Variants in ZKSCAN1 observed in about 807,000 individuals in gnomAD.
ZKSCAN1 encodes the protein zinc finger with KRAB and SCAN domains 1, also known as zinc finger protein with KRAB and SCAN domains 1.
In ZKSCAN1, 14 loss-of-function variants were observed where a neutral mutation model predicts 51.6. The observed-to-expected ratio is 0.27, with a 90% CI of 0.18 to 0.42. The LOEUF (loss-of-function observed/expected upper bound fraction) is 0.42, where lower values mean the gene tolerates loss of function less well. ZKSCAN1 is among the 10% of genes least tolerant of loss of function. The pLI, the probability that ZKSCAN1 is intolerant of heterozygous loss-of-function variation, is 1.00. For missense variants in ZKSCAN1, 531 were observed against 710.0 expected, an observed-to-expected ratio of 0.75 and a Z score of 2.86; for synonymous variants, 263 against 261.5, an observed-to-expected ratio of 1.01 and a Z score of -0.06.
intron 1 of ZKSCAN1, among the ~76,000 whole-genome samples, chr7:100,017,283 T>C (rs1373882854): frequency 2.0e-5 from 3 of 151,988 alleles, no homozygotes; most frequent in Non-Finnish European, 2.9e-5. Flanking sequence ...AGTGCAGTGG[T>C]GCGATCTCGG....
At chr7:100,025,025 C>T (rs963792904) in intron 3 of ZKSCAN1, 3 of 149,712 alleles carry the variant, frequency 2.0e-5, no homozygotes. Flanking sequence ...GGGGAAAATA[C>T]AACTTACAGA....
chr7:100,016,948 A>G (rs1449403583), intron 1 of ZKSCAN1: 1 of 152,224 alleles, frequency 6.6e-6, no homozygotes, highest in Non-Finnish European at 1.5e-5. Flanking sequence ...TCTTCTCTGA[A>G]TTAACATATA....
rs1173049877 is a variant in ZKSCAN1 at position 100,024,192 on chromosome 7, G to C, written c.465G>C (p.Arg155Ser). The change falls in exon 3 of 6, where the codon AGG becomes AGC. Residue 155 changes from arginine to serine, a missense_variant. Transcript: ENST00000324306. ...GQVHGPEMLA[R>S]GMVPLDPVQE... The stretch of plus-strand genomic sequence containing the variant: ...TTCATGGACCTGAGATGCTCGCAAG[G>C]GGGATGGTGCCTCTGGATCCAGTTC... The C allele has an allele frequency of 6.2e-7, 1 of 1,613,954 alleles. No homozygotes were observed. Among genetic ancestry groups the C allele is most frequent in the East Asian group, 2.2e-5 (1 of 44,884 alleles).
At chr7:100,030,185 G>A (rs1791046544) in intron 4 of ZKSCAN1, 64 bp from the exon 5 acceptor site, 3 of 1,585,218 alleles carry the variant, frequency 1.9e-6, no homozygotes, top group Non-Finnish European at 2.6e-6. Context: ...CTGACTCCAG[G>A]TTTGAGCAAT....
rs764970298 is a variant in ZKSCAN1, at chr7:100,029,906, C to T, written c.626C>T (p.Pro209Leu). Residue 209 changes from proline (P) to leucine (L), a missense_variant, in exon 4 of 6, where the codon CCC (proline) becomes CTC (leucine). This residue lies in a region of ZKSCAN1 where 403 missense variants were observed against 490.5 expected (regional missense o/e 0.82). Coordinates refer to ENST00000324306, the MANE Select transcript of ZKSCAN1 (RefSeq NM_003439.4). ...CCTGCACCCCCTCATGAGGGTAGTC[C>T]CAGAGACCAGGCGATGGCATCTGCA... Reference protein sequence around the residue: ...HIPAPPHEGSPRDQAMASALF... With the variant: ...HIPAPPHEGSLRDQAMASALF... 15 of 1,614,132 alleles carry T rather than the reference C, an allele frequency of 9.3e-6. No individual in the cohort carries two copies. The Admixed American group carries it at 2.2e-4, about 23-fold the overall frequency.
At chr7:100,016,612 A>G (rs1486034972) in intron 1 of ZKSCAN1, among the ~76,000 whole-genome samples, 1 of 152,166 alleles carries the variant, frequency 6.6e-6, no homozygotes, top group African/African-American at 2.4e-5. Context: ...TGGTCAATGT[A>G]ATTGAAGAAT....
In ZKSCAN1 at chr7:100,040,527, A is replaced by C. The variant is rs757680914; in HGVS notation, c.*6330A>C. The C allele has an allele frequency of 3.8e-5, 37 of 985,386 alleles. No individual in the cohort carries two copies. Among genetic ancestry groups the C allele is most frequent in the Non-Finnish European group, 4.3e-5 (36 of 829,938 alleles). 61.0% of individuals were successfully genotyped at this position (985,386 alleles called of 1,614,324 possible). A position where few individuals can be genotyped will look rare whatever the true frequency, so the allele number is the denominator to read the frequency against. On this transcript the variant is annotated 3_prime_UTR_variant, in exon 6 of 6. Coordinates refer to ENST00000324306, the MANE Select transcript of ZKSCAN1 (RefSeq NM_003439.4). ...TGAAAGGTGATATTTAAAAACTTGG[A>C]TTTCATTCCAGTGTCAGGTTTGGGT...
At chr7:100,042,797 GT>G (rs1200823549), downstream of ZKSCAN1, among the ~76,000 whole-genome samples, 2,900 of 125,164 alleles carry the variant, frequency 0.023, 89 homozygotes, top group African/African-American at 0.073. Context: ...TAATTTTTGG[GT>G]TTTTTTTTTT....
intron 1 of ZKSCAN1, among the ~76,000 whole-genome samples, chr7:100,018,813 T>G (rs576409739): frequency 5.3e-4 from 80 of 152,306 alleles, no homozygotes; most frequent in Admixed American, 9.1e-4. Context: ...CTGTGATGGC[T>G]TTTCCCTGCA....
Position 100,041,225 on chromosome 7 carries a change from G to A in ZKSCAN1, c.*7028G>A, listed in dbSNP as rs1469827984. Reference sequence around the variant, plus strand: ...CAAAAGAAGAAACGTGCTTGTCTCTGTATACCCGCAGAATGAAGTTACTGT... The same window carrying A: ...CAAAAGAAGAAACGTGCTTGTCTCTATATACCCGCAGAATGAAGTTACTGT... On this transcript the variant is annotated 3_prime_UTR_variant, in exon 6 of 6. Transcript: ENST00000324306. 1.2e-6 allele frequency: 1 copy of A among 810,382 alleles called. No homozygotes were observed. Among genetic ancestry groups the A allele is most frequent in the East Asian group, 1.3e-4 (1 of 7,986 alleles). The allele number at this position is 810,382 out of a possible 1,614,324, so 50.2% of individuals were successfully genotyped here.
At chr7:100,026,230 C>CAAAAAAAAAAAAAAAAAAAAAAAAA (rs58408632) in intron 3 of ZKSCAN1, among the ~76,000 whole-genome samples, 1 of 47,308 alleles carries the variant, frequency 2.1e-5, no homozygotes, top group Non-Finnish European at 3.7e-5. Flanking sequence ...AAACTCATCT[C>CAAAAAAAAAAAAAAAAAAAAAAAAA]AAAAAAAAAA....
Position 100,018,258 on chromosome 7 carries a change from CGTT to C in ZKSCAN1, c.-89+2535_-89+2537del, listed in dbSNP as rs768771720. Reference sequence around the variant, plus strand: ...TGATCGGGCTTTTAAAAAATAGTAACGTTGTCAATTCAGTCAAGTGTATTTTTG... The same window carrying C: ...TGATCGGGCTTTTAAAAAATAGTAACGTCAATTCAGTCAAGTGTATTTTTG... On this transcript the variant is annotated intron_variant, in intron 1 of 5. Coordinates refer to ENST00000324306, the MANE Select transcript of ZKSCAN1 (RefSeq NM_003439.4). 4.6e-5 allele frequency among the ~76,000 whole-genome samples: 7 copies of C among 152,174 alleles called. No homozygotes were observed. The South Asian group carries it at 6.2e-4, about 14-fold the overall frequency.
At position 100,029,863 on chromosome 7, in the gene ZKSCAN1, C is replaced by G; in HGVS notation, c.583C>G (p.Leu195Val). ...ACAGACCCTTTCTCCTCCCCCAGCT[C>G]TTCCTGCTGCCCACATTCCTGCACC... ...RKPRLLQSRA[L>V]PAAHIPAPPH... Residue 195 changes from leucine (L) to valine (V), a missense_variant and splice_region_variant, in exon 4 of 6, where the codon CTT becomes GTT. Physicochemically the swap from Leu to Val is conservative, Grantham distance 32 (BLOSUM62 1). Transcript: ENST00000324306. 1 of 1,614,106 alleles carries G rather than the reference C, an allele frequency of 6.2e-7. No homozygotes were observed. The highest frequency in any genetic ancestry group is 2.2e-5 in the East Asian group (1 of 44,888).
chr7:100,034,159 C>G lies in ZKSCAN1; in HGVS notation c.1654C>G (p.Leu552Val). 6.5e-7 allele frequency: 1 copy of G among 1,534,696 alleles called. No homozygotes were observed. Among genetic ancestry groups the G allele is most frequent in the Admixed American group, 2.1e-5 (1 of 47,032 alleles). The change falls in exon 6 of 6, where the codon CTT (leucine) becomes GTT (valine). Residue 552 changes from leucine (L) to valine (V), a missense_variant. Around this residue, in one of 2 missense-constraint regions of ZKSCAN1, gnomAD observed 128 missense variants for 219.5 expected, o/e 0.58. Transcript: ENST00000324306. ...ERASEYSPAS[L>V]DAFGAFLKSC... Reference sequence around the variant, plus strand: ...AGCCTCTGAGTACAGCCCAGCCTCCCTTGATGCATTTGGCGCGTTCCTGAA... The same window carrying G: ...AGCCTCTGAGTACAGCCCAGCCTCCGTTGATGCATTTGGCGCGTTCCTGAA...
rs1791343270 is a variant in ZKSCAN1, at chr7:100,035,961, C to CT, written c.*1765dup. 2 of 985,332 alleles carry CT rather than the reference C, an allele frequency of 2.0e-6. No homozygotes were observed. The highest frequency in any genetic ancestry group is 2.4e-6 in the Non-Finnish European group (2 of 829,950). 61.0% of individuals were successfully genotyped at this position (985,332 alleles called of 1,614,324 possible). The stretch of plus-strand genomic sequence containing the variant: ...CATAGACTGAGAACAAACCTCAAGA[C>CT]TATCAGTGTGACCTCCCCATAACAA... On this transcript the variant is annotated 3_prime_UTR_variant, in exon 6 of 6. Coordinates refer to ENST00000324306, the MANE Select transcript of ZKSCAN1 (RefSeq NM_003439.4).
intron 1 of ZKSCAN1, among the ~76,000 whole-genome samples, chr7:100,019,515 T>G (rs1454688435): frequency 6.6e-6 from 1 of 152,106 alleles, no homozygotes; most frequent in East Asian, 1.9e-4. Context: ...CCTGATTGAT[T>G]CTTCATTGTC....
intron 1 of ZKSCAN1, among the ~76,000 whole-genome samples, chr7:100,022,153 C>G (rs1013742505): frequency 1.3e-5 from 2 of 152,196 alleles, no homozygotes; most frequent in Non-Finnish European, 2.9e-5. Context: ...CTCCTGGGTT[C>G]AAGTGATTCT....
At position 100,038,091 on chromosome 7, in the gene ZKSCAN1, G is replaced by C; in HGVS notation, c.*3894G>C. On this transcript the variant is annotated 3_prime_UTR_variant, in exon 6 of 6. Transcript: ENST00000324306. ...ATCTACAGATGAAAAAAAATGTGGG[G>C]AAATGCTTTAAAAAAATAGCAAAAT... 2 of 985,228 alleles carry C rather than the reference G, an allele frequency of 2.0e-6. No individual in the cohort carries two copies. Among genetic ancestry groups the C allele is most frequent in the Non-Finnish European group, 2.4e-6 (2 of 829,884 alleles). 61.0% of individuals were successfully genotyped at this position (985,228 alleles called of 1,614,324 possible).
downstream of ZKSCAN1, chr7:100,041,755 G>A (rs1584359709): frequency 4.1e-6 from 4 of 984,696 alleles, no homozygotes; most frequent in East Asian, 4.5e-4. Context: ...ATACACATTG[G>A]GGGTGAAGAA....
Sources: allele counts gnomAD v4.1 joint callset (sites outside exome capture counted in the v4.1 genomes callset), GRCh38; gene constraint gnomAD v4.1.1; regional missense constraint gnomAD v4.1.1; transcripts MANE v1.5; gene names NCBI Gene and HGNC (gene_info 2026-07-23, HGNC 2026-07-21).